The following SLC60A1 variants were observed in gnomAD, a reference collection of about 807,000 sequenced individuals.
SLC60A1 encodes the protein major facilitator superfamily domain containing 4.
the SLC60A1 span, among the ~76,000 whole-genome samples, chr1:205,569,908 T>C: frequency 1.3e-5 from 2 of 152,034 alleles, no homozygotes; most frequent in African/African-American, 4.8e-5. Context: ...GCCCTCCTCC[T>C]GAGGCAGCCA....
chr1:205,602,234 C>T, the SLC60A1 span: 1 of 152,736 alleles, frequency 6.5e-6, no homozygotes, highest in East Asian at 1.9e-4. Flanking sequence ...GTCCCAAGTG[C>T]TGTGATTCAC....
chr1:205,588,981 G>A, the SLC60A1 span, among the ~76,000 whole-genome samples: 1 of 152,216 alleles, frequency 6.6e-6, no homozygotes, highest in Non-Finnish European at 1.5e-5. Context: ...ACACTGCGTG[G>A]GAAGAGAGTT....
chr1:205,600,880 C>T, the SLC60A1 span: 2 of 155,594 alleles, frequency 1.3e-5, no homozygotes, highest in Non-Finnish European at 2.8e-5. Flanking sequence ...TTAAGCAAAA[C>T]AAGCTGCAAG....
chr1:205,574,769 C>A, the SLC60A1 span, among the ~76,000 whole-genome samples: 1 of 152,120 alleles, frequency 6.6e-6, no homozygotes, highest in Non-Finnish European at 1.5e-5. Flanking sequence ...TCCAAGTGAA[C>A]AGACTGCAAG....
chr1:205,593,613 C>T, the SLC60A1 span, among the ~76,000 whole-genome samples: 1 of 152,216 alleles, frequency 6.6e-6, no homozygotes, highest in East Asian at 1.9e-4. Context: ...TAGCACATAA[C>T]ATCACCATCA....
the SLC60A1 span, chr1:205,599,358 T>C: frequency 1.5e-6 from 2 of 1,365,282 alleles, no homozygotes; most frequent in Middle Eastern, 2.3e-4. Context: ...AACGCTGCTC[T>C]GTTCCAAGTA....
chr1:205,582,681 G>A, the SLC60A1 span, among the ~76,000 whole-genome samples: 2 of 152,226 alleles, frequency 1.3e-5, no homozygotes, highest in Non-Finnish European at 2.9e-5. Context: ...ACTGGAGGAA[G>A]GGCTGTGTCT....
At chr1:205,576,224 G>A in the SLC60A1 span, among the ~76,000 whole-genome samples, 1 of 152,182 alleles carries the variant, frequency 6.6e-6, no homozygotes, top group African/African-American at 2.4e-5. Context: ...GAATCTGGGA[G>A]CTGGCACTGG....
the SLC60A1 span, chr1:205,569,419 G>A: frequency 2.1e-5 from 13 of 609,514 alleles, no homozygotes; most frequent in Admixed American, 4.3e-4. Flanking sequence ...GCTGCCCGTC[G>A]CCCCCGCCTC....
chr1:205,574,764 G>A, the SLC60A1 span, among the ~76,000 whole-genome samples: 1 of 152,300 alleles, frequency 6.6e-6, no homozygotes, highest in South Asian at 2.1e-4. Flanking sequence ...GGTGTTCCAA[G>A]TGAACAGACT....
the SLC60A1 span, among the ~76,000 whole-genome samples, chr1:205,591,715 A>G: frequency 2.6e-5 from 4 of 152,070 alleles, no homozygotes; most frequent in South Asian, 8.3e-4. Flanking sequence ...CTTGGCTTTC[A>G]GGAGAAGAGA....
At chr1:205,589,740 C>G in the SLC60A1 span, among the ~76,000 whole-genome samples, 1 of 152,102 alleles carries the variant, frequency 6.6e-6, no homozygotes, top group Admixed American at 6.5e-5. Context: ...CAGGAGCCAC[C>G]ATCTCCAGCC....
chr1:205,574,860 A>C, the SLC60A1 span, among the ~76,000 whole-genome samples: 1 of 152,168 alleles, frequency 6.6e-6, no homozygotes, highest in Admixed American at 6.5e-5. Flanking sequence ...ATCATGCACA[A>C]GTTGCAGCTC....
the SLC60A1 span, chr1:205,598,834 T>C: frequency 2.4e-6 from 1 of 418,432 alleles, no homozygotes; most frequent in South Asian, 3.6e-5. Context: ...ACACCTAGTA[T>C]GACTGGAGCT....
chr1:205,600,117 T>C, the SLC60A1 span: 1 of 322,042 alleles, frequency 3.1e-6, no homozygotes, highest in African/African-American at 2.1e-5. Flanking sequence ...AGGAGTTTCA[T>C]TTAAGACCTA....
chr1:205,592,457 T>A, the SLC60A1 span, among the ~76,000 whole-genome samples: 1 of 152,010 alleles, frequency 6.6e-6, no homozygotes, highest in Non-Finnish European at 1.5e-5. Context: ...TATGTATACA[T>A]GTGCCATGTT....
At chr1:205,597,688 T>A in the SLC60A1 span, 1 of 1,339,962 alleles carries the variant, frequency 7.5e-7, no homozygotes, top group African/African-American at 1.4e-5. Flanking sequence ...GAAATGCATA[T>A]GCCACTGTGC....
At chr1:205,583,369 A>T in the SLC60A1 span, among the ~76,000 whole-genome samples, 1 of 152,182 alleles carries the variant, frequency 6.6e-6, no homozygotes, top group Non-Finnish European at 1.5e-5. Context: ...GTGCCCTGCT[A>T]GGATCAACAT....
the SLC60A1 span, chr1:205,598,123 C>T: frequency 5.4e-6 from 2 of 369,590 alleles, no homozygotes; most frequent in South Asian, 5.5e-5. Flanking sequence ...CCAGAGGGGG[C>T]CCGTGGGAAT....
Sources: gnomAD v4.1 joint callset for allele counts (sites outside exome capture counted in the v4.1 genomes callset) on GRCh38, gnomAD v4.1.1 for gene constraint, MANE v1.5 for transcripts, NCBI Gene and HGNC (gene_info 2026-07-23, HGNC 2026-07-21) for gene names.